Variants in PCDH15 observed in about 807,000 individuals in gnomAD.
PCDH15 encodes the protein protocadherin-15.
Under a neutral mutation model 178.5 loss-of-function variants are expected in PCDH15, and 129 were observed. The observed-to-expected ratio is 0.72, with a 90% CI of 0.63 to 0.84. The LOEUF is 0.84. PCDH15 is among the 40% of genes least tolerant of loss of function. The probability of loss-of-function intolerance (pLI) is 0.00; values close to 1 mark genes in which losing one functional copy is unlikely to be tolerated. For synonymous variants in PCDH15, 800 were observed against 732.0 expected (o/e 1.09, Z -1.50); for missense variants, 2,230 against 2,099.9 (o/e 1.06, Z -1.21).
chr10:54,823,488 C>T (rs1232298366), intron 3 of PCDH15, among the ~76,000 whole-genome samples: 1 of 152,138 alleles, frequency 6.6e-6, no homozygotes, highest in African/African-American at 2.4e-5. Flanking sequence ...TTCACACTTA[C>T]TCCACACTAC....
intron 3 of PCDH15, among the ~76,000 whole-genome samples, chr10:54,506,378 A>G (rs114359583): frequency 6.6e-6 from 1 of 152,054 alleles, no homozygotes; most frequent in East Asian, 1.9e-4. Context: ...AAAAAATATG[A>G]TTAAATTTGG....
chr10:54,066,868 T>G lies in PCDH15; in HGVS notation c.2109A>C (p.Val703=), dbSNP rs532896476. 6.2e-7 allele frequency: 1 copy of G among 1,613,386 alleles called. No homozygotes were observed. The highest frequency in any genetic ancestry group is 1.1e-5 in the South Asian group (1 of 91,068). The change falls in exon 18 of 38, where the codon GTA becomes GTC. Residue 703 remains valine, a synonymous_variant. Coordinates refer to ENST00000644397, the MANE Select transcript of PCDH15 (RefSeq NM_001384140.1). The part of the protein sequence containing the change: ...GRPDGTSTAT[V]NIVVTDVNDN... ...CATTGACATCTGTCACCACTATGTT[T>G]ACTGTGGCAGTTGAGGTCTTAAAGA...
At chr10:55,283,175 T>A (rs543272602) in intron 1 of PCDH15, among the ~76,000 whole-genome samples, 1 of 152,226 alleles carries the variant, frequency 6.6e-6, no homozygotes, top group Non-Finnish European at 1.5e-5. Context: ...GTTTGAGATA[T>A]TTCGCAGACC....
At chr10:54,014,243 C>G (rs931228218) in intron 20 of PCDH15, among the ~76,000 whole-genome samples, 1 of 152,106 alleles carries the variant, frequency 6.6e-6, no homozygotes, top group African/African-American at 2.4e-5. Flanking sequence ...CTAAACAGAC[C>G]AATAATGAAT....
intron 2 of PCDH15, among the ~76,000 whole-genome samples, chr10:55,364,985 T>G (rs1298810092): frequency 6.6e-6 from 1 of 152,208 alleles, no homozygotes; most frequent in East Asian, 1.9e-4. Flanking sequence ...CTTATTTGTC[T>G]GCCAAGATTT....
At chr10:53,822,616 T>TTGAAGGAGAAAGTTCC in intron 32 of PCDH15, 1 of 1,613,994 alleles carries the variant, frequency 6.2e-7, no homozygotes, top group South Asian at 1.1e-5. Flanking sequence ...ACACAAGGCC[T>TTGAAGGAGAAAGTTCC]TGAAGGAGAA....
intron 18 of PCDH15, among the ~76,000 whole-genome samples, chr10:54,062,260 C>CAAAAAAAAAAAAAAA (rs1449179864): frequency 1.3e-5 from 1 of 74,400 alleles, no homozygotes; most frequent in Non-Finnish European, 2.6e-5. Context: ...AAACAAAAAA[C>CAAAAAAAAAAAAAAA]AACTAAATGA....
chr10:54,549,506 G>A (rs1253911796), intron 2 of PCDH15, among the ~76,000 whole-genome samples: 1 of 151,792 alleles, frequency 6.6e-6, no homozygotes, highest in Non-Finnish European at 1.5e-5. Context: ...GTAGATGTCA[G>A]AGAATGTGGG....
chr10:55,600,759 A>G (rs184789136), intron 2 of PCDH15, among the ~76,000 whole-genome samples: 3 of 152,250 alleles, frequency 2.0e-5, no homozygotes, highest in African/African-American at 4.8e-5. Context: ...TTTTTACACA[A>G]TATGCTATTG....
At chr10:55,037,391 G>A (rs1328845143) in intron 2 of PCDH15, among the ~76,000 whole-genome samples, 1 of 152,030 alleles carries the variant, frequency 6.6e-6, no homozygotes, top group Non-Finnish European at 1.5e-5. Context: ...CGGCTACCAT[G>A]CCTGGGTAAT....
chr10:54,175,736 G>A (rs1364109026), intron 13 of PCDH15, among the ~76,000 whole-genome samples: 4 of 152,130 alleles, frequency 2.6e-5, no homozygotes, highest in African/African-American at 9.6e-5. Flanking sequence ...CTTCATCTCT[G>A]TCACTTAAAA....
intron 8 of PCDH15, among the ~76,000 whole-genome samples, chr10:54,316,941 A>G (rs1191545890): frequency 6.6e-6 from 1 of 152,176 alleles, no homozygotes; most frequent in Non-Finnish European, 1.5e-5. Context: ...GCATGTTTAA[A>G]TATGAATTTA....
In PCDH15 at chr10:53,821,927, G is replaced by GT; in HGVS notation, c.4368-1698dup. 1.2e-6 allele frequency: 2 copies of GT among 1,613,664 alleles called. No individual in the cohort carries two copies. Among genetic ancestry groups the GT allele is most frequent in the Non-Finnish European group, 8.5e-7 (1 of 1,179,684 alleles). On this transcript the variant is annotated intron_variant, in intron 32 of 37. Transcript: ENST00000644397. ...CGACAATATTGTTCAAACTCCCCTT[G>GT]TTTTGTTCAGATGTGATTTCCATAT...
chr10:55,424,508 G>GT (rs1463823813), intron 2 of PCDH15, among the ~76,000 whole-genome samples: 7 of 152,082 alleles, frequency 4.6e-5, no homozygotes, highest in Non-Finnish European at 1.0e-4. Flanking sequence ...TCGCAATTAG[G>GT]TAACAATGCC....
At chr10:54,590,546 C>G (rs1021497034) in intron 2 of PCDH15, among the ~76,000 whole-genome samples, 13 of 152,232 alleles carry the variant, frequency 8.5e-5, no homozygotes, top group African/African-American at 2.9e-4. Flanking sequence ...CTAATATTAT[C>G]TACGGAGAAT....
At chr10:54,281,830 T>C (rs7907055) in intron 8 of PCDH15, among the ~76,000 whole-genome samples, 31,268 of 151,956 alleles carry the variant, frequency 0.21, 3,313 homozygotes, top group Admixed American at 0.23. Flanking sequence ...AACATAACTA[T>C]TATAAAATTG....
At chr10:54,272,157 T>A (rs2132510691) in intron 8 of PCDH15, among the ~76,000 whole-genome samples, 1 of 151,344 alleles carries the variant, frequency 6.6e-6, no homozygotes, top group South Asian at 2.1e-4. Flanking sequence ...TGTATATTCA[T>A]ATTTATATGA....
intron 1 of PCDH15, among the ~76,000 whole-genome samples, chr10:55,258,852 A>T (rs1842076607): frequency 6.6e-6 from 1 of 150,730 alleles, no homozygotes; most frequent in Admixed American, 6.6e-5. Flanking sequence ...ACCTTCTTCA[A>T]CTGTAACCGC....
chr10:54,077,331 G>T (rs2135930103), intron 17 of PCDH15, among the ~76,000 whole-genome samples: 1 of 152,168 alleles, frequency 6.6e-6, no homozygotes, highest in East Asian at 1.9e-4. Context: ...GAACTAGAAA[G>T]AACAAAACTA....
Sources: allele counts gnomAD v4.1 joint callset (sites outside exome capture counted in the v4.1 genomes callset), GRCh38; gene constraint gnomAD v4.1.1; transcripts MANE v1.5; gene names NCBI Gene and HGNC (gene_info 2026-07-23, HGNC 2026-07-21).